Variants in TSPAN5 observed in about 807,000 individuals in gnomAD.
The protein encoded by TSPAN5 is tetraspanin-5.
In TSPAN5, 10 loss-of-function variants were observed where a neutral mutation model predicts 37.1. That is an observed-to-expected ratio of 0.27 (90% confidence interval 0.17 to 0.46). The LOEUF is 0.46. Ranked by LOEUF, TSPAN5 falls within the 20% of genes least tolerant of loss-of-function variation. TSPAN5 has a pLI of 1.00. For synonymous variants in TSPAN5, 110 were observed against 118.9 expected, an observed-to-expected ratio of 0.93 and a Z score of 0.48; for missense variants, 195 against 326.6, an observed-to-expected ratio of 0.60 and a Z score of 3.11.
At chr4:98,511,699 T>C (rs1753610245) in intron 1 of TSPAN5, among the ~76,000 whole-genome samples, 1 of 152,218 alleles carries the variant, frequency 6.6e-6, no homozygotes, top group African/African-American at 2.4e-5. Context: ...TTAATATTTA[T>C]TATCGATTAC....
intron 2 of TSPAN5, among the ~76,000 whole-genome samples, chr4:98,497,189 C>T (rs573279920): frequency 1.5e-4 from 23 of 151,924 alleles, no homozygotes; most frequent in South Asian, 1.5e-3. Flanking sequence ...GCCAGGCGTG[C>T]GCCTTGTAGT....
In TSPAN5 at chr4:98,564,258, C is replaced by A. The variant is rs553138051; in HGVS notation, c.82-56530G>T. Among the ~76,000 whole-genome samples, 6 of 152,184 alleles carry A rather than the reference C, an allele frequency of 3.9e-5. 1 individual carries two copies. Among genetic ancestry groups the A allele is most frequent in the African/African-American group, 1.4e-4 (6 of 41,444 alleles). On this transcript the variant is annotated intron_variant, in intron 1 of 7. Coordinates refer to ENST00000305798, the MANE Select transcript of TSPAN5 (RefSeq NM_005723.4). Reference sequence around the variant, plus strand: ...TGCTTTTCTATACACCAAATCCTAGCATTTCTATCAAATTCTTACCCCAAA... The same window carrying A: ...TGCTTTTCTATACACCAAATCCTAGAATTTCTATCAAATTCTTACCCCAAA...
At chr4:98,497,770 C>T (rs773317640) in intron 2 of TSPAN5, among the ~76,000 whole-genome samples, 31 of 152,182 alleles carry the variant, frequency 2.0e-4, no homozygotes, top group Non-Finnish European at 3.5e-4. Context: ...AGAGGGGAGA[C>T]GGTTAAGAAC....
At chr4:98,530,529 C>T (rs8180171) in intron 1 of TSPAN5, among the ~76,000 whole-genome samples, 9,941 of 152,224 alleles carry the variant, frequency 0.065, 786 homozygotes, top group African/African-American at 0.17. Context: ...ACCCCACCTG[C>T]ACTTCGGCCA....
At chr4:98,474,602 C>G (rs747999923) in intron 7 of TSPAN5, among the ~76,000 whole-genome samples, 3 of 152,136 alleles carry the variant, frequency 2.0e-5, no homozygotes, top group Non-Finnish European at 2.9e-5. Flanking sequence ...CCTGACTCAG[C>G]CTCCCAAAGT....
intron 1 of TSPAN5, among the ~76,000 whole-genome samples, chr4:98,529,828 A>G (rs193135219): frequency 3.9e-4 from 60 of 152,376 alleles, no homozygotes; most frequent in Middle Eastern, 3.4e-3. Flanking sequence ...TACAGCCACA[A>G]AATAACACAA....
intron 1 of TSPAN5, among the ~76,000 whole-genome samples, chr4:98,590,172 A>G (rs145549168): frequency 1.2e-4 from 18 of 152,268 alleles, no homozygotes; most frequent in African/African-American, 4.3e-4. Context: ...CCAAACTCTT[A>G]TCATCTGATT....
intron 1 of TSPAN5, among the ~76,000 whole-genome samples, chr4:98,635,964 T>C (rs1756850048): frequency 6.6e-6 from 1 of 152,204 alleles, no homozygotes; most frequent in Non-Finnish European, 1.5e-5. Context: ...AAGGGTATAA[T>C]TCTGGAACCA....
intron 2 of TSPAN5, among the ~76,000 whole-genome samples, chr4:98,489,111 C>T (rs6827123): frequency 0.75 from 113,712 of 152,034 alleles, 42,938 homozygotes; most frequent in South Asian, 0.83. Flanking sequence ...GAAGACACAG[C>T]TAACTTGGCA....
At chr4:98,546,757 C>A (rs1320231826) in intron 1 of TSPAN5, among the ~76,000 whole-genome samples, 1 of 151,926 alleles carries the variant, frequency 6.6e-6, no homozygotes, top group African/African-American at 2.4e-5. Flanking sequence ...TAGAACTGAC[C>A]CATACTGCAA....
intron 1 of TSPAN5, among the ~76,000 whole-genome samples, chr4:98,622,801 A>G (rs912281258): frequency 2.0e-5 from 3 of 152,224 alleles, no homozygotes. Flanking sequence ...AGTGCAAAGT[A>G]TAGAAAAGAG....
At chr4:98,577,508 G>C (rs1755266836) in intron 1 of TSPAN5, among the ~76,000 whole-genome samples, 1 of 152,082 alleles carries the variant, frequency 6.6e-6, no homozygotes, top group Non-Finnish European at 1.5e-5. Flanking sequence ...TTACATAAGT[G>C]ATGTCATTTG....
At chr4:98,599,308 A>T (rs950521084) in intron 1 of TSPAN5, among the ~76,000 whole-genome samples, 1 of 152,098 alleles carries the variant, frequency 6.6e-6, no homozygotes, top group African/African-American at 2.4e-5. Flanking sequence ...GCCCAGCAAA[A>T]GTCATTTTTA....
intron 1 of TSPAN5, among the ~76,000 whole-genome samples, chr4:98,567,007 G>A (rs1372203322): frequency 6.6e-6 from 1 of 152,258 alleles, no homozygotes; most frequent in Non-Finnish European, 1.5e-5. Context: ...TCAAGAGGGT[G>A]CAGGCTCCCG....
intron 1 of TSPAN5, among the ~76,000 whole-genome samples, chr4:98,548,286 TG>T (rs1277874011): frequency 1.3e-5 from 2 of 151,902 alleles, no homozygotes; most frequent in Admixed American, 6.6e-5. Context: ...AACAAAACAA[TG>T]ATATTAACAT....
chr4:98,526,022 G>A (rs1280637979), intron 1 of TSPAN5, among the ~76,000 whole-genome samples: 4 of 152,098 alleles, frequency 2.6e-5, no homozygotes, highest in East Asian at 1.9e-4. Flanking sequence ...ACAGATCACC[G>A]TGTACATACA....
At chr4:98,651,092 G>A (rs529524988) in intron 1 of TSPAN5, among the ~76,000 whole-genome samples, 1 of 152,296 alleles carries the variant, frequency 6.6e-6, no homozygotes, top group African/African-American at 2.4e-5. Context: ...ATATGGTAGA[G>A]AAGCCTGGCA....
At chr4:98,592,772 A>C (rs1464935359) in intron 1 of TSPAN5, among the ~76,000 whole-genome samples, 11 of 150,964 alleles carry the variant, frequency 7.3e-5, no homozygotes, top group Non-Finnish European at 1.5e-4. Flanking sequence ...TGAACTCATC[A>C]TTTTTTATGG....
intron 1 of TSPAN5, among the ~76,000 whole-genome samples, chr4:98,538,019 G>A (rs752788304): frequency 6.6e-6 from 1 of 152,242 alleles, no homozygotes; most frequent in Admixed American, 6.5e-5. Flanking sequence ...CTGTGATCAC[G>A]GCCTGGGGAC....
Sources: gnomAD v4.1 joint callset for allele counts (sites outside exome capture counted in the v4.1 genomes callset) on GRCh38, gnomAD v4.1.1 for gene constraint, MANE v1.5 for transcripts, NCBI Gene and HGNC (gene_info 2026-07-23, HGNC 2026-07-21) for gene names.